Variants in CNNM2 observed in about 807,000 individuals in gnomAD.
CNNM2 encodes metal transporter CNNM2.
A neutral mutation model predicts 66.9 loss-of-function variants in CNNM2; 12 were observed. The ratio of observed to expected loss-of-function variants is 0.18; its 90% CI spans 0.11 to 0.29. The LOEUF is 0.29. CNNM2 is among the 10% of genes least tolerant of loss of function. CNNM2 has a pLI of 1.00. For missense variants in CNNM2, 705 were observed against 1,167.7 expected (o/e 0.60, Z 5.77); for synonymous variants, 557 against 501.8 (o/e 1.11, Z -1.47).
chr10:103,032,399 C>T (rs998280053), intron 1 of CNNM2, among the ~76,000 whole-genome samples: 19 of 151,896 alleles, frequency 1.3e-4, no homozygotes, highest in Admixed American at 2.6e-4. Context: ...TGCAGCGAGC[C>T]GAGATCACCC....
chr10:103,057,369 T>C (rs2065312221), intron 4 of CNNM2, among the ~76,000 whole-genome samples: 1 of 151,502 alleles, frequency 6.6e-6, no homozygotes, highest in Non-Finnish European at 1.5e-5. Context: ...CTTGGGAGGC[T>C]AAGACAGGGG....
rs542491493 is a variant in CNNM2 at position 102,960,640 on chromosome 10, C to T, written c.1621+40539C>T. Among the ~76,000 whole-genome samples the T allele has an allele frequency of 1.1e-4, 16 of 152,196 alleles. No homozygotes were observed. In the East Asian group the frequency reaches 2.1e-3, roughly 20 times the overall value. On this transcript the variant is annotated intron_variant, in intron 1 of 7. Transcript: ENST00000369878. Reference sequence around the variant, plus strand: ...TATTACTTTACTTTGTTTTTTGAGACAAGACCTCACTTTGTTGCCTATGCT... The same window carrying T: ...TATTACTTTACTTTGTTTTTTGAGATAAGACCTCACTTTGTTGCCTATGCT...
At chr10:103,048,636 A>G (rs2065168047) in intron 1 of CNNM2, among the ~76,000 whole-genome samples, 1 of 147,120 alleles carries the variant, frequency 6.8e-6, no homozygotes, top group African/African-American at 2.5e-5. Flanking sequence ...CCAAGTCTAT[A>G]TAACCATAGT....
chr10:102,988,889 T>A (rs1365095237), intron 1 of CNNM2, among the ~76,000 whole-genome samples: 1 of 152,184 alleles, frequency 6.6e-6, no homozygotes, highest in Non-Finnish European at 1.5e-5. Context: ...CCTTAGTTGC[T>A]CTAGAAGTCA....
chr10:102,969,788 C>T (rs1194487252), intron 1 of CNNM2, among the ~76,000 whole-genome samples: 7 of 151,614 alleles, frequency 4.6e-5, no homozygotes, highest in African/African-American at 1.5e-4. Context: ...GGATTACAGG[C>T]GTGCACCACC....
intron 1 of CNNM2, among the ~76,000 whole-genome samples, chr10:102,986,264 T>G (rs1167438020): frequency 6.6e-6 from 1 of 152,162 alleles, no homozygotes; most frequent in East Asian, 1.9e-4. Context: ...TACTTCTATC[T>G]TATTTTTTTG....
intron 1 of CNNM2, among the ~76,000 whole-genome samples, chr10:102,927,123 C>A (rs1845896206): frequency 6.9e-6 from 1 of 145,638 alleles, no homozygotes; most frequent in East Asian, 2.0e-4. Context: ...TAATTAGATG[C>A]GTAGTTACTT....
chr10:103,066,655 T>A (rs2065483399), intron 4 of CNNM2, among the ~76,000 whole-genome samples: 1 of 152,208 alleles, frequency 6.6e-6, no homozygotes, highest in Admixed American at 6.5e-5. Context: ...AGCTTTTCCT[T>A]CCTGTATGCG....
chr10:102,958,130 T>G (rs1847115027), intron 1 of CNNM2, among the ~76,000 whole-genome samples: 1 of 152,118 alleles, frequency 6.6e-6, no homozygotes, highest in South Asian at 2.1e-4. Context: ...GAGACGGGGT[T>G]TCTCCATGTT....
intron 1 of CNNM2, among the ~76,000 whole-genome samples, chr10:102,978,231 C>T (rs1452019522): frequency 6.6e-6 from 1 of 150,684 alleles, no homozygotes; most frequent in African/African-American, 2.4e-5. Context: ...TTTTAAGCTC[C>T]ACTTAGAGCC....
At chr10:102,950,703 A>G (rs1442268541) in intron 1 of CNNM2, among the ~76,000 whole-genome samples, 1 of 152,102 alleles carries the variant, frequency 6.6e-6, no homozygotes, top group East Asian at 1.9e-4. Context: ...GTATAGAGCT[A>G]TGATTAAACC....
At chr10:103,026,822 C>T (rs1250876247) in intron 1 of CNNM2, among the ~76,000 whole-genome samples, 2 of 152,078 alleles carry the variant, frequency 1.3e-5, no homozygotes, top group African/African-American at 4.8e-5. Flanking sequence ...AGAGAAGAGT[C>T]TAACATGTTG....
intron 1 of CNNM2, among the ~76,000 whole-genome samples, chr10:102,936,872 T>C (rs1478933075): frequency 1.3e-5 from 2 of 152,216 alleles, no homozygotes; most frequent in African/African-American, 4.8e-5. Context: ...AGTGCAAGTT[T>C]TGTAACCTGA....
At chr10:102,957,301 G>A (rs372604766) in intron 1 of CNNM2, among the ~76,000 whole-genome samples, 4 of 151,954 alleles carry the variant, frequency 2.6e-5, no homozygotes, top group South Asian at 2.1e-4. Flanking sequence ...GCGAGACTCC[G>A]TCTCAAAAAA....
rs1590534316 is a variant in CNNM2, at chr10:103,087,993, T to C, written c.*10813T>C. 6.6e-6 allele frequency: 1 copy of C among 152,218 alleles called. No homozygotes were observed. Among genetic ancestry groups the C allele is most frequent in the East Asian group, 1.9e-4 (1 of 5,198 alleles). The allele number at this position is 152,218 out of a possible 1,614,324, so 9.4% of individuals were successfully genotyped here. ...TTCCAAAAATCTTTCTGTGAAAAAA[T>C]TGAGGCCTATGTAACACCATGAATA... is the stretch of plus-strand genomic sequence containing the variant. On this transcript the variant is annotated 3_prime_UTR_variant, in exon 8 of 8. Transcript: ENST00000369878.
intron 1 of CNNM2, among the ~76,000 whole-genome samples, chr10:102,954,968 G>A (rs1329638157): frequency 6.6e-6 from 1 of 152,122 alleles, no homozygotes; most frequent in Non-Finnish European, 1.5e-5. Context: ...GTAATTTATA[G>A]ATTCGATGCC....
chr10:102,961,323 C>G (rs1053738355), intron 1 of CNNM2, among the ~76,000 whole-genome samples: 5 of 152,202 alleles, frequency 3.3e-5, no homozygotes, highest in Non-Finnish European at 5.9e-5. Context: ...ATTCTGCTGT[C>G]TTAACTGATA....
chr10:103,059,682 G>T (rs370597389), intron 4 of CNNM2, among the ~76,000 whole-genome samples: 109 of 152,174 alleles, frequency 7.2e-4, no homozygotes, highest in African/African-American at 2.3e-3. Flanking sequence ...AACAAAATAC[G>T]TATGTAAGAA....
chr10:102,924,263 A>G (rs935831395), intron 1 of CNNM2, among the ~76,000 whole-genome samples: 2 of 152,216 alleles, frequency 1.3e-5, no homozygotes, highest in African/African-American at 4.8e-5. Flanking sequence ...CTCACAAAAG[A>G]TTGGGCCACC....
Sources: gnomAD v4.1 joint callset for allele counts (sites outside exome capture counted in the v4.1 genomes callset) on GRCh38, gnomAD v4.1.1 for gene constraint, MANE v1.5 for transcripts, NCBI Gene and HGNC (gene_info 2026-07-23, HGNC 2026-07-21) for gene names.